KLRG1: variants seen among roughly 807,000 people sequenced by gnomAD.
KLRG1 encodes the protein killer cell lectin like receptor G1, also known as killer cell lectin-like receptor subfamily G member 1.
Under a neutral mutation model 21.8 loss-of-function variants are expected in KLRG1, and 16 were observed. That is an observed-to-expected ratio of 0.73 (90% CI 0.50 to 1.11). The LOEUF (loss-of-function observed/expected upper bound fraction) is 1.11. KLRG1 is among the 50% of genes most tolerant of loss of function. KLRG1 has a pLI of 0.00. For missense variants in KLRG1, 173 were observed against 218.3 expected, an observed-to-expected ratio of 0.79 and a Z score of 1.31; for synonymous variants, 69 against 75.9, an observed-to-expected ratio of 0.91 and a Z score of 0.47.
the KLRG1 span, among the ~76,000 whole-genome samples, chr12:9,187,077 C>CAAAAAAA: frequency 1.6e-5 from 2 of 128,732 alleles, no homozygotes; most frequent in Non-Finnish European, 3.2e-5. Flanking sequence ...CAAGAAAGGT[C>CAAAAAAA]AAAAAAAAAA....
chr12:9,079,371 G>C, the KLRG1 span: 3 of 1,569,142 alleles, frequency 1.9e-6, no homozygotes, highest in Non-Finnish European at 2.6e-6. Flanking sequence ...ATGGATTAAT[G>C]TGCATGCTGA....
chr12:9,098,545 T>G, the KLRG1 span: 165 of 1,530,926 alleles, frequency 1.1e-4, 2 homozygotes, highest in South Asian at 2.0e-3. Context: ...ATCCAGTCAT[T>G]TTTCCTTGCT....
At chr12:9,011,103 TAAGAA>T (rs1947626405), downstream of KLRG1, among the ~76,000 whole-genome samples, 1 of 152,182 alleles carries the variant, frequency 6.6e-6, no homozygotes. Context: ...TATTGAAAGA[TAAGAA>T]AAGGAGAACT....
At chr12:9,019,352 C>T in the KLRG1 span, among the ~76,000 whole-genome samples, 6 of 152,082 alleles carry the variant, frequency 3.9e-5, no homozygotes, top group African/African-American at 9.7e-5. Context: ...CTGTGGACAA[C>T]AATATGTAGT....
chr12:8,973,522 G>A (rs1473850738), intron 1 of KLRG1, among the ~76,000 whole-genome samples: 1 of 152,216 alleles, frequency 6.6e-6, no homozygotes, highest in African/African-American at 2.4e-5. Flanking sequence ...TTGGAACAGA[G>A]ACTGGGCCTT....
chr12:9,009,472 A>G lies in KLRG1; in HGVS notation c.505A>G (p.Asn169Asp), dbSNP rs753862259. ...FVQTCGAINK[N>D]GLQASSCEVP... ...GCAGACATGCGGTGCCATCAACAAA[A>G]ATGGTCTTCAAGCCTCAAGCTGTGA... is the stretch of plus-strand genomic sequence containing the variant. The change falls in exon 5 of 5, where the codon AAT (asparagine) becomes GAT (aspartate). Residue 169 changes from asparagine to aspartate, a missense_variant. Around this residue, in one of 3 missense-constraint regions of KLRG1, gnomAD observed 26 missense variants for 36.9 expected, o/e 0.70. Transcript: ENST00000356986. The G allele has an allele frequency of 8.7e-6, 14 of 1,613,858 alleles. No homozygotes were observed. The highest frequency in any genetic ancestry group is 1.1e-5 in the Non-Finnish European group (13 of 1,179,938).
chr12:9,067,671 A>T, the KLRG1 span: 9 of 745,926 alleles, frequency 1.2e-5, no homozygotes, highest in Non-Finnish European at 1.7e-5. Flanking sequence ...ATGGAAATGT[A>T]CAATGATATT....
chr12:9,033,629 A>G, the KLRG1 span, among the ~76,000 whole-genome samples: 1 of 152,230 alleles, frequency 6.6e-6, no homozygotes. Context: ...AGAATAAAAA[A>G]GTGTTTGGAA....
chr12:9,081,823 A>G, the KLRG1 span, among the ~76,000 whole-genome samples: 1 of 152,248 alleles, frequency 6.6e-6, no homozygotes, highest in South Asian at 2.1e-4. Flanking sequence ...GAGGTCAGGT[A>G]GAAACAAAGA....
At chr12:9,199,006 C>G in the KLRG1 span, among the ~76,000 whole-genome samples, 4 of 152,118 alleles carry the variant, frequency 2.6e-5, no homozygotes, top group African/African-American at 9.7e-5. Flanking sequence ...TTAAAAGGAA[C>G]TGTAAGAGGT....
the KLRG1 span, among the ~76,000 whole-genome samples, chr12:9,061,640 C>T: frequency 1.3e-5 from 2 of 151,742 alleles, no homozygotes; most frequent in South Asian, 2.1e-4. Flanking sequence ...ATAGCGAGAC[C>T]CTATCTCTAC....
At chr12:9,142,270 G>C in the KLRG1 span, among the ~76,000 whole-genome samples, 1 of 152,152 alleles carries the variant, frequency 6.6e-6, no homozygotes, top group South Asian at 2.1e-4. Flanking sequence ...AATAGTTCAA[G>C]ATGAAGCTAT....
chr12:9,165,510 T>C, the KLRG1 span: 2 of 928,792 alleles, frequency 2.2e-6, no homozygotes, highest in South Asian at 1.7e-5. Context: ...GAACACTAGA[T>C]TATGTCCTGG....
At chr12:9,076,794 T>C in the KLRG1 span, 395 of 1,613,934 alleles carry the variant, frequency 2.4e-4, 1 homozygote, top group East Asian at 2.8e-3. Context: ...CTTGAGTACT[T>C]CCTTCCTCTT....
At chr12:9,136,675 C>G in the KLRG1 span, among the ~76,000 whole-genome samples, 1 of 152,052 alleles carries the variant, frequency 6.6e-6, no homozygotes. Flanking sequence ...GTTTTCTCCA[C>G]ATCTTTGCCA....
the KLRG1 span, among the ~76,000 whole-genome samples, chr12:9,091,830 A>G: frequency 6.6e-6 from 1 of 152,202 alleles, no homozygotes; most frequent in Non-Finnish European, 1.5e-5. Context: ...CTTACAGGCA[A>G]TCTGTGCAGT....
downstream of KLRG1, among the ~76,000 whole-genome samples, chr12:9,011,250 C>T (rs1947628983): frequency 6.6e-6 from 1 of 152,090 alleles, no homozygotes; most frequent in Admixed American, 6.6e-5. Flanking sequence ...ACTGCTTTGT[C>T]TCCCTTAAGG....
the KLRG1 span, among the ~76,000 whole-genome samples, chr12:9,107,336 A>G: frequency 6.6e-6 from 1 of 152,202 alleles, no homozygotes. Context: ...AACACTCACA[A>G]TGGGCAATTA....
the KLRG1 span, among the ~76,000 whole-genome samples, chr12:9,093,882 G>A: frequency 3.3e-5 from 5 of 149,812 alleles, no homozygotes; most frequent in Non-Finnish European, 7.4e-5. Context: ...GACAGAGTGA[G>A]ACTTCGTCTC....
Sources: allele counts gnomAD v4.1 joint callset (sites outside exome capture counted in the v4.1 genomes callset), GRCh38; gene constraint gnomAD v4.1.1; regional missense constraint gnomAD v4.1.1; transcripts MANE v1.5; gene names NCBI Gene and HGNC (gene_info 2026-07-23, HGNC 2026-07-21).